The following LYRM9 variants were observed in gnomAD, a reference collection of about 807,000 sequenced individuals.
LYRM9 encodes the protein LYR motif-containing protein 9.
In LYRM9, 14 loss-of-function variants were observed where a neutral mutation model predicts 12.6. The observed-to-expected ratio is 1.11, with a 90% CI of 0.73 to 1.73. The LOEUF (loss-of-function observed/expected upper bound fraction) is 1.73, where lower values mean the gene tolerates loss of function less well. LYRM9 is among the 40% of genes most tolerant of loss of function. The probability of loss-of-function intolerance (pLI) is 0.00; values close to 1 mark genes in which losing one functional copy is unlikely to be tolerated. For synonymous variants in LYRM9, 42 were observed against 35.1 expected (o/e 1.20, Z -0.69); for missense variants, 94 against 95.0 (o/e 0.99, Z 0.04).
At chr17:27,882,848 C>A in intron 1 of LYRM9, 136 bp from the exon 2 acceptor site, 1 of 998,012 alleles carries the variant, frequency 1.0e-6, no homozygotes, top group Non-Finnish European at 1.5e-6. Context: ...ATGGAGCCTG[C>A]ACCTTGGGGT....
chr17:27,885,397 T>A (rs777373499), intron 1 of LYRM9, among the ~76,000 whole-genome samples: 1 of 151,818 alleles, frequency 6.6e-6, no homozygotes, highest in African/African-American at 2.4e-5. Context: ...GCTGAGACCC[T>A]GAGAAAAAAA....
intron 1 of LYRM9, among the ~76,000 whole-genome samples, chr17:27,888,453 C>T (rs1407303692): frequency 6.6e-6 from 1 of 152,198 alleles, no homozygotes; most frequent in Non-Finnish European, 1.5e-5. Context: ...AAAATCTTCA[C>T]TGGATGTGAA....
chr17:27,886,995 TC>T lies in LYRM9; in HGVS notation c.-18-4284del, dbSNP rs1162977909. On this transcript the variant is annotated intron_variant, in intron 1 of 3. Coordinates refer to ENST00000379102, the MANE Select transcript of LYRM9 (RefSeq NM_001076680.3). This position sits in a 1 kb window ranked among gnomAD's most constrained non-coding sequence, Gnocchi z 4.8. Reference sequence around the variant, plus strand: ...ATCAAATTCCACCTCTGAATGCCCCTCATATTTTTCCCTTCCTCTCTACTCC... The same window carrying T: ...ATCAAATTCCACCTCTGAATGCCCCTATATTTTTCCCTTCCTCTCTACTCC... Among the ~76,000 whole-genome samples, 2 of 152,060 alleles carry T rather than the reference TC, an allele frequency of 1.3e-5. No individual in the cohort carries two copies. The highest frequency in any genetic ancestry group is 4.8e-5 in the African/African-American group (2 of 41,406).
At chr17:27,880,186 G>A in intron 3 of LYRM9, 88 bp downstream of exon 3, 3 of 1,021,048 alleles carry the variant, frequency 2.9e-6, no homozygotes, top group Non-Finnish European at 4.5e-6. Context: ...ATTCTCAACT[G>A]TGGGGCAGGA....
At chr17:27,889,957 C>G (rs560341596) in intron 1 of LYRM9, among the ~76,000 whole-genome samples, 9 of 152,164 alleles carry the variant, frequency 5.9e-5, no homozygotes, top group Admixed American at 1.3e-4. Context: ...GTAGGACATG[C>G]CAAGTTTGAG....
At chr17:27,884,775 T>G (rs1256807802) in intron 1 of LYRM9, among the ~76,000 whole-genome samples, 1 of 149,756 alleles carries the variant, frequency 6.7e-6, no homozygotes, top group African/African-American at 2.5e-5. Context: ...ATGTTCCAGA[T>G]GAAGGAGCTA....
intron 3 of LYRM9, chr17:27,879,895 G>T: frequency 1.7e-6 from 1 of 587,232 alleles, no homozygotes; most frequent in South Asian, 2.1e-5. Flanking sequence ...CTGCCCCAGT[G>T]TGAATACCCC....
At chr17:27,889,998 C>A (rs963337727) in intron 1 of LYRM9, among the ~76,000 whole-genome samples, 2 of 152,146 alleles carry the variant, frequency 1.3e-5, no homozygotes, top group Non-Finnish European at 2.9e-5. Flanking sequence ...TTAATCCTCA[C>A]AACAATATTT....
In LYRM9 at chr17:27,888,660, T is replaced by C. The variant is rs1256739549; in HGVS notation, c.-19+4657A>G. 2.0e-5 allele frequency among the ~76,000 whole-genome samples: 3 copies of C among 152,306 alleles called. No individual in the cohort carries two copies. The East Asian group carries it at 5.8e-4, about 29-fold the overall frequency. On this transcript the variant is annotated intron_variant, in intron 1 of 3. Coordinates refer to ENST00000379102, the MANE Select transcript of LYRM9 (RefSeq NM_001076680.3). ...GAAGATGAAGAAATGCAGCAGAATG[T>C]TCAGATCACGTTTAGATGGTAGGCA...
chr17:27,880,575 T>C (rs1266484113), intron 2 of LYRM9: 1 of 587,408 alleles, frequency 1.7e-6, no homozygotes, highest in Non-Finnish European at 3.0e-6. Context: ...TCCTAGTCTA[T>C]GTGACTGCAA....
chr17:27,882,852 T>A, intron 1 of LYRM9, 140 bp from the exon 2 acceptor site: 5 of 960,818 alleles, frequency 5.2e-6, no homozygotes, highest in Non-Finnish European at 7.9e-6. Context: ...AGCCTGCACC[T>A]TGGGGTGGGG....
In LYRM9 at chr17:27,879,438, C is replaced by T. The variant is rs939521453; in HGVS notation, c.*35G>A. ...GAGCTCCAGAAGAGGGGCCTCTCAA[C>T]TTCCAGAGGCCAGGAAGGCTCACCC... On this transcript the variant is annotated 3_prime_UTR_variant, in exon 4 of 4. Transcript: ENST00000379102. The T allele has an allele frequency of 1.3e-6, 2 of 1,547,562 alleles. No homozygotes were observed. The highest frequency in any genetic ancestry group is 1.7e-6 in the Non-Finnish European group (2 of 1,145,428).
rs201668748 is a variant in LYRM9 at position 27,882,702 on chromosome 17, AC to A, written c.-9del. 2.1e-5 allele frequency: 34 copies of A among 1,594,408 alleles called. No individual in the cohort carries two copies. The East Asian group carries it at 7.5e-4, about 35-fold the overall frequency. On this transcript the variant is annotated 5_prime_UTR_variant, in exon 2 of 4. Coordinates refer to ENST00000379102, the MANE Select transcript of LYRM9 (RefSeq NM_001076680.3). ...TCCTGGCAGCGGGGCCATCCGTGAG[AC>A]CCTCTGTCCCTGGAAAACAAGCAGG...
intron 1 of LYRM9, chr17:27,892,432 T>C (rs749549885): frequency 1.5e-5 from 7 of 455,966 alleles, no homozygotes; most frequent in East Asian, 6.9e-5. Context: ...TAGATGTCAA[T>C]TGATTCCCAA....
Position 27,882,660 on chromosome 17 carries a change from C to A in LYRM9, c.35G>T (p.Arg12Met). The change falls in exon 2 of 4, where the codon AGG becomes ATG. Residue 12 changes from arginine to methionine, a missense_variant. Transcript: ENST00000379102. ...CAAGTATCGGTAGAGCTGCAGTGGCCTCCGAACCAGTTCTGCTCCTGGCAG... is the reference window on the plus strand; with the variant it reads ...CAAGTATCGGTAGAGCTGCAGTGGCATCCGAACCAGTTCTGCTCCTGGCAG... ...APLPGAELVR[R>M]PLQLYRYLLR... 2.2e-5 allele frequency: 36 copies of A among 1,604,492 alleles called. No homozygotes were observed. The highest frequency in any genetic ancestry group is 3.1e-5 in the Non-Finnish European group (36 of 1,175,838).
intron 3 of LYRM9, 27 bp from the exon 4 acceptor site, chr17:27,879,517 A>T (rs1311195595): frequency 6.4e-7 from 1 of 1,551,672 alleles, no homozygotes; most frequent in East Asian, 2.4e-5. Flanking sequence ...TTCGAAGTGG[A>T]GGAGGGAAGC....
chr17:27,879,723 ATAACTCAC>A (rs1904973836), intron 3 of LYRM9: 1 of 553,724 alleles, frequency 1.8e-6, no homozygotes, highest in Non-Finnish European at 3.2e-6. Flanking sequence ...GAGGATAGTG[ATAACTCAC>A]TCTGGAGAGT....
chr17:27,888,308 T>A (rs2142595937), intron 1 of LYRM9, among the ~76,000 whole-genome samples: 1 of 152,286 alleles, frequency 6.6e-6, no homozygotes, highest in Non-Finnish European at 1.5e-5. Flanking sequence ...ACAGCCTTCA[T>A]CACCCCTCAT....
chr17:27,885,674 C>T (rs367679513), intron 1 of LYRM9, among the ~76,000 whole-genome samples: 15 of 134,162 alleles, frequency 1.1e-4, no homozygotes, highest in East Asian at 2.2e-4. Context: ...GCACTCAGCC[C>T]GGATGACACA....
Sources: allele counts gnomAD v4.1 joint callset (sites outside exome capture counted in the v4.1 genomes callset), GRCh38; gene constraint gnomAD v4.1.1; non-coding constraint Gnocchi (gnomAD v3.1); transcripts MANE v1.5; gene names NCBI Gene and HGNC (gene_info 2026-07-23, HGNC 2026-07-21).